Variants in TMEM266 observed in about 807,000 individuals in gnomAD.
TMEM266 encodes transmembrane protein 266, also known as Hv1 related protein 1.
Under a neutral mutation model 50.5 loss-of-function variants are expected in TMEM266, and 33 were observed. That is an observed-to-expected ratio of 0.65 (90% CI 0.50 to 0.87). The LOEUF (loss-of-function observed/expected upper bound fraction) is 0.87, where lower values mean the gene tolerates loss of function less well. Ranked by LOEUF, TMEM266 falls within the 40% of genes least tolerant of loss-of-function variation. TMEM266 has a pLI of 0.00. For synonymous variants in TMEM266, 310 were observed against 292.3 expected, an observed-to-expected ratio of 1.06 and a Z score of -0.62; for missense variants, 655 against 695.1, an observed-to-expected ratio of 0.94 and a Z score of 0.65.
At chr15:76,156,794 T>G (rs754045778) in intron 4 of TMEM266, 36 bp downstream of exon 4, 9 of 1,601,154 alleles carry the variant, frequency 5.6e-6, no homozygotes, top group Non-Finnish European at 4.3e-6. Context: ...CCAATACATA[T>G]GATGTCAATA....
chr15:76,165,010 C>A (rs2038073219), intron 5 of TMEM266, among the ~76,000 whole-genome samples: 1 of 152,282 alleles, frequency 6.6e-6, no homozygotes, highest in Admixed American at 6.5e-5. Flanking sequence ...GGTTTCCAAA[C>A]TCTGGCAGCC....
chr15:76,062,582 T>C (rs1441847969), intron 1 of TMEM266, among the ~76,000 whole-genome samples: 1 of 152,210 alleles, frequency 6.6e-6, no homozygotes, highest in Non-Finnish European at 1.5e-5. Context: ...CAAGAGGTGT[T>C]ACTTGATTTC....
intron 5 of TMEM266, among the ~76,000 whole-genome samples, chr15:76,162,277 G>A (rs1203308276): frequency 2.6e-5 from 4 of 152,198 alleles, no homozygotes; most frequent in Admixed American, 1.3e-4. Context: ...ATGGAGGGCC[G>A]GTGCATGGAG....
Position 76,171,082 on chromosome 15 carries a change from C to T in TMEM266, c.603C>T (p.Ile201=). 2.5e-6 allele frequency: 4 copies of T among 1,613,508 alleles called. No individual in the cohort carries two copies. Among genetic ancestry groups the T allele is most frequent in the Non-Finnish European group, 3.4e-6 (4 of 1,179,762 alleles). ...GACCCAGGAGCCCCTGGGACGCCAT[C>T]AGCCTCATCATCATGCTCCGGATCT... ...DAISLIIMLR[I]WRVKRVIDAY... Residue 201 remains isoleucine (I), a synonymous_variant, in exon 7 of 11, where the codon ATC becomes ATT. Transcript: ENST00000388942.
At chr15:76,199,540 TGGG>T (rs1567186220) in intron 9 of TMEM266, among the ~76,000 whole-genome samples, 2 of 152,022 alleles carry the variant, frequency 1.3e-5, no homozygotes, top group Non-Finnish European at 2.9e-5. Context: ...AGAGAAGACC[TGGG>T]TGTCCGTGCT....
intron 1 of TMEM266, among the ~76,000 whole-genome samples, chr15:76,090,778 G>T (rs946963141): frequency 1.3e-5 from 2 of 152,054 alleles, no homozygotes; most frequent in African/African-American, 4.8e-5. Flanking sequence ...GAAGAGGGTA[G>T]GACAGGGAGA....
chr15:76,106,203 G>A (rs986176408), intron 1 of TMEM266, among the ~76,000 whole-genome samples: 2 of 151,980 alleles, frequency 1.3e-5, no homozygotes, highest in East Asian at 1.9e-4. Context: ...CCACGTGCAC[G>A]GCATGGTGGG....
rs1176111954 is a variant in TMEM266 at position 76,070,715 on chromosome 15, G to A, written c.-97+10699G>A. ...GATTCAAAGTTCTTGGCTGAGCCCA[G>A]GTCACATTTCCATGCTATAACTACA... On this transcript the variant is annotated intron_variant, in intron 1 of 10. Coordinates refer to ENST00000388942, the MANE Select transcript of TMEM266 (RefSeq NM_152335.3). Among the ~76,000 whole-genome samples the A allele has an allele frequency of 5.3e-5, 8 of 152,286 alleles. No homozygotes were observed. The East Asian group carries it at 1.5e-3, about 29-fold the overall frequency.
In TMEM266 at chr15:76,074,241, A is replaced by G. The variant is rs1056342050; in HGVS notation, c.-97+14225A>G. 2.2e-4 allele frequency among the ~76,000 whole-genome samples: 33 copies of G among 152,092 alleles called. 1 individual carries two copies. Among genetic ancestry groups the G allele is most frequent in the African/African-American group, 7.7e-4 (32 of 41,342 alleles). On this transcript the variant is annotated intron_variant, in intron 1 of 10. Transcript: ENST00000388942. The stretch of plus-strand genomic sequence containing the variant: ...TTCATATGCACGTATCTGTATATAA[A>G]TGATATTTTATTTTTCATTTTTAAT...
chr15:76,195,274 G>A (rs2038637427), intron 9 of TMEM266, among the ~76,000 whole-genome samples: 1 of 152,100 alleles, frequency 6.6e-6, no homozygotes, highest in Non-Finnish European at 1.5e-5. Flanking sequence ...CCTCAGTCAG[G>A]TCTCCATAGA....
chr15:76,116,735 T>C (rs541832130), intron 1 of TMEM266, among the ~76,000 whole-genome samples: 23 of 152,304 alleles, frequency 1.5e-4, no homozygotes, highest in Non-Finnish European at 2.9e-4. Flanking sequence ...ATATATTTTC[T>C]GTACATAGGG....
rs958918041 is a variant in TMEM266 at position 76,060,668 on chromosome 15, C to T, written c.-97+652C>T. On this transcript the variant is annotated intron_variant, in intron 1 of 10. Transcript: ENST00000388942. ...GGGAGGCTTAAACCTAGAAAATTGT[C>T]TCCCTTGATGGCCGAGAAAAGATGG... 2.0e-5 allele frequency among the ~76,000 whole-genome samples: 3 copies of T among 152,336 alleles called. No homozygotes were observed. The East Asian group carries it at 5.8e-4, about 29-fold the overall frequency.
rs1044376914 is a variant in TMEM266 at position 76,064,610 on chromosome 15, G to A, written c.-97+4594G>A. On this transcript the variant is annotated intron_variant, in intron 1 of 10. Coordinates refer to ENST00000388942, the MANE Select transcript of TMEM266 (RefSeq NM_152335.3). ...ATGGCTTTAATTGCTGCCCTAGGCA[G>A]TCTGAATTACCCGCCAGGAGAGGAT... Among the ~76,000 whole-genome samples the A allele has an allele frequency of 2.0e-5, 3 of 152,184 alleles. No homozygotes were observed. The East Asian group carries it at 5.8e-4, about 29-fold the overall frequency.
At chr15:76,151,237 C>A (rs1358404609) in intron 3 of TMEM266, among the ~76,000 whole-genome samples, 1 of 152,228 alleles carries the variant, frequency 6.6e-6, no homozygotes, top group Non-Finnish European at 1.5e-5. Flanking sequence ...AAACAGTCAA[C>A]GCTGATTTCC....
In TMEM266 at chr15:76,199,417, C is replaced by G. The variant is rs549474827; in HGVS notation, c.959-2785C>G. The stretch of plus-strand genomic sequence containing the variant: ...CAGGACTCAGGATGTCTCCAGCAGG[C>G]TGACCCTCTGGGCTGAGCCCAGCAA... On this transcript the variant is annotated intron_variant, in intron 9 of 10. Coordinates refer to ENST00000388942, the MANE Select transcript of TMEM266 (RefSeq NM_152335.3). Among the ~76,000 whole-genome samples, 46 of 152,338 alleles carry G rather than the reference C, an allele frequency of 3.0e-4. 2 individuals carry two copies. Among genetic ancestry groups the G allele is most frequent in the Middle Eastern group, 3.4e-3 (1 of 294 alleles).
chr15:76,172,716 CAAG>C (rs975202917), intron 7 of TMEM266, among the ~76,000 whole-genome samples: 1 of 152,114 alleles, frequency 6.6e-6, no homozygotes, highest in Non-Finnish European at 1.5e-5. Context: ...AAACTGAGGC[CAAG>C]AAGGATGAGG....
At chr15:76,080,465 G>A (rs181762217) in intron 1 of TMEM266, among the ~76,000 whole-genome samples, 2,108 of 150,734 alleles carry the variant, frequency 0.014, 40 homozygotes, top group Non-Finnish European at 0.017. Context: ...TTGGTCAGGT[G>A]GTCTCGAACT....
At chr15:76,122,810 G>A (rs1055908745) in intron 1 of TMEM266, among the ~76,000 whole-genome samples, 6 of 152,268 alleles carry the variant, frequency 3.9e-5, no homozygotes, top group African/African-American at 1.4e-4. Flanking sequence ...GGCCAGCTAG[G>A]GGCGAGGAGC....
intron 8 of TMEM266, among the ~76,000 whole-genome samples, chr15:76,187,659 C>T (rs1432262690): frequency 1.3e-5 from 2 of 152,306 alleles, no homozygotes; most frequent in African/African-American, 4.8e-5. Flanking sequence ...AGTGTCTGAG[C>T]CCAGTGTGAG....
Sources: allele counts gnomAD v4.1 joint callset (sites outside exome capture counted in the v4.1 genomes callset), GRCh38; gene constraint gnomAD v4.1.1; transcripts MANE v1.5; gene names NCBI Gene and HGNC (gene_info 2026-07-23, HGNC 2026-07-21).